Variants in NAB1 observed in about 807,000 individuals in gnomAD.
The protein encoded by NAB1 is NGFI-A binding protein 1, also known as NGFI-A-binding protein 1.
NAB1 carries 25 observed loss-of-function variants against 49.9 expected under a neutral mutation model. The ratio of observed to expected loss-of-function variants is 0.50; its 90% confidence interval spans 0.37 to 0.70. The LOEUF (loss-of-function observed/expected upper bound fraction) is 0.70. Among genes scored for constraint, NAB1 ranks in the 30% least tolerant of loss-of-function variants. The pLI, the probability that NAB1 is intolerant of heterozygous loss-of-function variation, is 0.00. For missense variants in NAB1, 489 were observed against 575.9 expected (o/e 0.85, Z 1.54); for synonymous variants, 198 against 215.6 (o/e 0.92, Z 0.71).
chr2:190,683,823 C>T lies in NAB1; in HGVS notation c.1091C>T (p.Ser364Leu). ...AKSEELAALS[S>L]QQPEKVMAKQ... is the part of the protein sequence containing the mutation. The stretch of plus-strand genomic sequence containing the variant: ...AGTGAAGAACTTGCAGCTCTTAGTT[C>T]ACAGGTAACATAAACTCCCAGTTAT... Residue 364 changes from serine (S) to leucine (L), a missense_variant, in exon 7 of 10, where the codon TCA becomes TTA. This residue lies in a region of NAB1 where 212 missense variants were observed against 199.3 expected (regional missense o/e 1.06). Transcript: ENST00000337386. The T allele has an allele frequency of 6.2e-7, 1 of 1,611,104 alleles. No homozygotes were observed.
Position 190,654,742 on chromosome 2 carries a change from G to A in NAB1, c.-196-1235G>A, listed in dbSNP as rs753184343. On this transcript the variant is annotated intron_variant, in intron 2 of 9. Coordinates refer to ENST00000337386, the MANE Select transcript of NAB1 (RefSeq NM_005966.4). The surrounding 1 kb of genome is among the most constrained non-coding windows in gnomAD (Gnocchi z 5.6). ...GTGAAGGAGCTTTTTTCAAAATTGG[G>A]GCAAGAAGCAATGAACACTAGAATT... 1.3e-5 allele frequency among the ~76,000 whole-genome samples: 2 copies of A among 152,096 alleles called. No homozygotes were observed. The highest frequency in any genetic ancestry group is 1.9e-4 in the East Asian group (1 of 5,198).
In NAB1 at chr2:190,686,540, G is replaced by C. The variant is rs989626870; in HGVS notation, c.1259-661G>C. Among the ~76,000 whole-genome samples the C allele has an allele frequency of 6.6e-6, 1 of 152,152 alleles. No homozygotes were observed. Among genetic ancestry groups the C allele is most frequent in the East Asian group, 1.9e-4 (1 of 5,198 alleles). On this transcript the variant is annotated intron_variant, in intron 8 of 9. Transcript: ENST00000337386. This position sits in a 1 kb window ranked among gnomAD's most constrained non-coding sequence, Gnocchi z 5.5. ...CATCAGAGTACTGGAAGAGAAGAAAGTTCTTCCTTTTAAAAATATTACAGG... is the reference window on the plus strand; with the variant it reads ...CATCAGAGTACTGGAAGAGAAGAAACTTCTTCCTTTTAAAAATATTACAGG...
chr2:190,664,392 G>A (rs1694382215), intron 4 of NAB1, among the ~76,000 whole-genome samples: 1 of 150,324 alleles, frequency 6.7e-6, no homozygotes, highest in African/African-American at 2.4e-5. Context: ...CACCCTAGCT[G>A]GAATGCAGTG....
rs1454989844 is a variant in NAB1 at position 190,676,636 on chromosome 2, C to G, written c.1005+3484C>G. On this transcript the variant is annotated intron_variant, in intron 6 of 9. Transcript: ENST00000337386. The surrounding 1 kb of genome is among the most constrained non-coding windows in gnomAD (Gnocchi z 4.6). ...TCAGGAGGCTGAGGTGGGAGAATCACTGCCCCACTGCACTCCAGCCCGGGC... is the reference window on the plus strand; with the variant it reads ...TCAGGAGGCTGAGGTGGGAGAATCAGTGCCCCACTGCACTCCAGCCCGGGC... Among the ~76,000 whole-genome samples the G allele has an allele frequency of 6.6e-6, 1 of 152,126 alleles. No homozygotes were observed. The highest frequency in any genetic ancestry group is 1.5e-5 in the Non-Finnish European group (1 of 68,018).
Position 190,663,286 on chromosome 2 carries a change from C to G in NAB1, c.819+3291C>G, listed in dbSNP as rs1279786316. Among the ~76,000 whole-genome samples the G allele has an allele frequency of 6.6e-6, 1 of 152,110 alleles. No homozygotes were observed. Among genetic ancestry groups the G allele is most frequent in the Non-Finnish European group, 1.5e-5 (1 of 68,022 alleles). On this transcript the variant is annotated intron_variant, in intron 4 of 9. Transcript: ENST00000337386. This position sits in a 1 kb window ranked among gnomAD's most constrained non-coding sequence, Gnocchi z 4.2. ...AAAGTTATTTATAGTTTTTTAAGAC[C>G]TAATATTGACCTAATATTGATTGTA...
In NAB1 at chr2:190,659,950, A is replaced by C; in HGVS notation, c.774A>C (p.Arg258Ser). The C allele has an allele frequency of 6.2e-7, 1 of 1,613,990 alleles. No homozygotes were observed. Among genetic ancestry groups the C allele is most frequent in the Non-Finnish European group, 8.5e-7 (1 of 1,179,808 alleles). ...EIRKYSAIYG[R>S]FDSKRKDGKH... is the part of the protein sequence containing the mutation. ...GGAAATACAGTGCAATATATGGCAG[A>C]TTTGACTCAAAGAGGAAGGATGGGA... is the stretch of plus-strand genomic sequence containing the variant. Residue 258 changes from arginine to serine, a missense_variant, in exon 4 of 10, where the codon AGA becomes AGC. Around this residue, in one of 4 missense-constraint regions of NAB1, gnomAD observed 38 missense variants for 70.1 expected, o/e 0.54. Transcript: ENST00000337386. This position sits in a 1 kb window ranked among gnomAD's most constrained non-coding sequence, Gnocchi z 6.2.
At chr2:190,649,055 A>T (rs1203835567), upstream of NAB1, 3 of 141,198 alleles carry the variant, frequency 2.1e-5, no homozygotes, top group East Asian at 6.4e-4. The surrounding 1 kb of genome is among the most constrained non-coding windows in gnomAD (Gnocchi z 6.1). Flanking sequence ...AGGGGAGGGC[A>T]AGGCGCGGCG....
chr2:190,649,160 G>A lies in NAB1; in HGVS notation c.-534G>A, dbSNP rs1217150250. 2 of 148,894 alleles carry A rather than the reference G, an allele frequency of 1.3e-5. 1 individual carries two copies. The highest frequency in any genetic ancestry group is 4.9e-5 in the African/African-American group (2 of 40,884). The allele number at this position is 148,894 out of a possible 1,614,324, so 9.2% of individuals were successfully genotyped here. A position where few individuals can be genotyped will look rare whatever the true frequency, so the allele number is the denominator to read the frequency against. On this transcript the variant is annotated 5_prime_UTR_variant, in exon 1 of 10. Transcript: ENST00000337386. The surrounding 1 kb of genome is among the most constrained non-coding windows in gnomAD (Gnocchi z 6.1). ...CCAAGCGAGCGCCGTCGGGGCGGGT[G>A]GGCGGGAAGAAGCGGCGGGCCCGAG...
chr2:190,654,658 A>G lies in NAB1; in HGVS notation c.-196-1319A>G, dbSNP rs529985111. Among the ~76,000 whole-genome samples, 6 of 144,602 alleles carry G rather than the reference A, an allele frequency of 4.1e-5. No individual in the cohort carries two copies. Among genetic ancestry groups the G allele is most frequent in the Admixed American group, 7.0e-5 (1 of 14,358 alleles). 94.9% of individuals were successfully genotyped at this position (144,602 alleles called of 152,430 possible). Reference sequence around the variant, plus strand: ...GAGTAGTTTGGATTTCTTTCTCTGCACTGGTGGAGAAGTTCGCAAATCTGT... The same window carrying G: ...GAGTAGTTTGGATTTCTTTCTCTGCGCTGGTGGAGAAGTTCGCAAATCTGT... On this transcript the variant is annotated intron_variant, in intron 2 of 9. Coordinates refer to ENST00000337386, the MANE Select transcript of NAB1 (RefSeq NM_005966.4). This position sits in a 1 kb window ranked among gnomAD's most constrained non-coding sequence, Gnocchi z 5.6.
At position 190,685,688 on chromosome 2, in the gene NAB1, A is replaced by G. The variant is rs759269956; in HGVS notation, c.1258+50A>G. Reference sequence around the variant, plus strand: ...CTTTAGGGCCACTATGTGCACTTCAAAGAGAAACAGAAGACAGTGGCTGAT... The same window carrying G: ...CTTTAGGGCCACTATGTGCACTTCAGAGAGAAACAGAAGACAGTGGCTGAT... On this transcript the variant is annotated intron_variant, in intron 8 of 9. Coordinates refer to ENST00000337386, the MANE Select transcript of NAB1 (RefSeq NM_005966.4). This position sits in a 1 kb window ranked among gnomAD's most constrained non-coding sequence, Gnocchi z 4.5. 1.7e-5 allele frequency: 23 copies of G among 1,350,170 alleles called. No homozygotes were observed. Among genetic ancestry groups the G allele is most frequent in the South Asian group, 2.2e-5 (1 of 45,520 alleles). 83.6% of individuals were successfully genotyped at this position (1,350,170 alleles called of 1,614,324 possible).
intron 2 of NAB1, among the ~76,000 whole-genome samples, chr2:190,650,187 G>A (rs1693588684): frequency 6.6e-6 from 1 of 152,202 alleles, no homozygotes; most frequent in South Asian, 2.1e-4. Context: ...GAGTGATCGG[G>A]AGGAATCGTA....
At position 190,689,662 on chromosome 2, in the gene NAB1, G is replaced by T. The variant is rs1310327187; in HGVS notation, c.1376-583G>T. On this transcript the variant is annotated intron_variant, in intron 9 of 9. Transcript: ENST00000337386. The surrounding 1 kb of genome is among the most constrained non-coding windows in gnomAD (Gnocchi z 4.3). ...AGAACTCCATGGAATGATTTCTCAT[G>T]AAAATAGTGTTCATTATTTTATCCC... Among the ~76,000 whole-genome samples the T allele has an allele frequency of 1.3e-5, 2 of 152,064 alleles. No individual in the cohort carries two copies. Among genetic ancestry groups the T allele is most frequent in the African/African-American group, 4.8e-5 (2 of 41,418 alleles).
intron 9 of NAB1, among the ~76,000 whole-genome samples, chr2:190,688,805 C>CTTTCTTTTCTTTCCTTTCTTTCT (rs1553555434): frequency 6.8e-6 from 1 of 148,102 alleles, no homozygotes; most frequent in Non-Finnish European, 1.5e-5. Context: ...CCTTTCTTTC[C>CTTTCTTTTCTTTCCTTTCTTTCT]TTTCTTTTCT....
At position 190,686,698 on chromosome 2, in the gene NAB1, A is replaced by G. The variant is rs1695624199; in HGVS notation, c.1259-503A>G. On this transcript the variant is annotated intron_variant, in intron 8 of 9. Coordinates refer to ENST00000337386, the MANE Select transcript of NAB1 (RefSeq NM_005966.4). The surrounding 1 kb of genome is among the most constrained non-coding windows in gnomAD (Gnocchi z 5.5). Reference sequence around the variant, plus strand: ...TTCAGTGTGGGGTGACAATTTGCTAATGTGATGGATTTCAGTACATGACAA... The same window carrying G: ...TTCAGTGTGGGGTGACAATTTGCTAGTGTGATGGATTTCAGTACATGACAA... Among the ~76,000 whole-genome samples the G allele has an allele frequency of 1.3e-5, 2 of 152,160 alleles. No individual in the cohort carries two copies. Among genetic ancestry groups the G allele is most frequent in the African/African-American group, 2.4e-5 (1 of 41,442 alleles).
In NAB1 at chr2:190,674,774, G is replaced by T. The variant is rs1274685449; in HGVS notation, c.1005+1622G>T. ...ACATTAAAAAAAGAAATGTGGGCTG[G>T]GTATGGTGGCTCACACCTATAATCC... On this transcript the variant is annotated intron_variant, in intron 6 of 9. Transcript: ENST00000337386. This position sits in a 1 kb window ranked among gnomAD's most constrained non-coding sequence, Gnocchi z 5.7. Among the ~76,000 whole-genome samples, 1 of 152,162 alleles carries T rather than the reference G, an allele frequency of 6.6e-6. No homozygotes were observed. The highest frequency in any genetic ancestry group is 1.5e-5 in the Non-Finnish European group (1 of 68,040).
Position 190,670,587 on chromosome 2 carries a change from A to C in NAB1, c.953+128A>C. 1 of 1,004,400 alleles carries C rather than the reference A, an allele frequency of 1.0e-6. No individual in the cohort carries two copies. The highest frequency in any genetic ancestry group is 1.4e-6 in the Non-Finnish European group (1 of 696,258). The allele number at this position is 1,004,400 out of a possible 1,614,324, so 62.2% of individuals were successfully genotyped here. A position where few individuals can be genotyped will look rare whatever the true frequency, so the allele number is the denominator to read the frequency against. On this transcript the variant is annotated intron_variant, in intron 5 of 9. Coordinates refer to ENST00000337386, the MANE Select transcript of NAB1 (RefSeq NM_005966.4). The surrounding 1 kb of genome is among the most constrained non-coding windows in gnomAD (Gnocchi z 5.3). ...GTATGATTATTGTTCTATGAAACTA[A>C]ACAATGCAGTGATTTTGAAAACATT...
Position 190,668,209 on chromosome 2 carries a change from A to C in NAB1, c.820-2117A>C, listed in dbSNP as rs952463566. 1.1e-4 allele frequency among the ~76,000 whole-genome samples: 17 copies of C among 152,270 alleles called. No homozygotes were observed. In the East Asian group the frequency reaches 3.1e-3, roughly 28 times the overall value. ...TTAGGTGGAATGTATAAATTTCTTA[A>C]AATTTTAGTATACCCTGTGACCTAA... On this transcript the variant is annotated intron_variant, in intron 4 of 9. Transcript: ENST00000337386.
In NAB1 at chr2:190,675,873, T is replaced by C. The variant is rs1695044546; in HGVS notation, c.1005+2721T>C. On this transcript the variant is annotated intron_variant, in intron 6 of 9. Coordinates refer to ENST00000337386, the MANE Select transcript of NAB1 (RefSeq NM_005966.4). This position sits in a 1 kb window ranked among gnomAD's most constrained non-coding sequence, Gnocchi z 5.2. The stretch of plus-strand genomic sequence containing the variant: ...CTCTTGAACGTGTGTGTGTCTTGTG[T>C]GTATGTATACCTACACATGTAGATG... Among the ~76,000 whole-genome samples, 1 of 152,224 alleles carries C rather than the reference T, an allele frequency of 6.6e-6. No individual in the cohort carries two copies. The highest frequency in any genetic ancestry group is 2.4e-5 in the African/African-American group (1 of 41,448).
chr2:190,661,729 G>T (rs1694237734), intron 4 of NAB1, among the ~76,000 whole-genome samples: 1 of 152,190 alleles, frequency 6.6e-6, no homozygotes, highest in African/African-American at 2.4e-5. Context: ...CAAAATGAAT[G>T]CCAGTAGGCT....
Sources: allele counts gnomAD v4.1 joint callset (sites outside exome capture counted in the v4.1 genomes callset), GRCh38; gene constraint gnomAD v4.1.1; regional missense constraint gnomAD v4.1.1; non-coding constraint Gnocchi (gnomAD v3.1); transcripts MANE v1.5; gene names NCBI Gene and HGNC (gene_info 2026-07-23, HGNC 2026-07-21).